THSD4: variants seen among roughly 807,000 people sequenced by gnomAD.
THSD4 encodes thrombospondin type 1 domain containing 4.
In THSD4, 69 loss-of-function variants were observed where a neutral mutation model predicts 119.0. The ratio of observed to expected loss-of-function variants is 0.58; its 90% CI spans 0.48 to 0.71. The LOEUF (loss-of-function observed/expected upper bound fraction) is 0.71. THSD4 is among the 30% of genes least tolerant of loss of function. The pLI is 0.00. For synonymous variants in THSD4, 524 were observed against 540.4 expected (o/e 0.97, Z 0.42); for missense variants, 1,393 against 1,391.1 (o/e 1.00, Z -0.02).
intron 7 of THSD4, among the ~76,000 whole-genome samples, chr15:71,633,914 C>T (rs1011368205): frequency 1.1e-4 from 17 of 152,278 alleles, no homozygotes; most frequent in African/African-American, 4.1e-4. Context: ...TGGCTGGGCA[C>T]GGTGGCTCAT....
chr15:71,198,983 A>G (rs2043744488), intron 3 of THSD4, among the ~76,000 whole-genome samples: 1 of 152,190 alleles, frequency 6.6e-6, no homozygotes, highest in African/African-American at 2.4e-5. Context: ...AGTTCTCCTA[A>G]TAGTAGATTC....
intron 8 of THSD4, among the ~76,000 whole-genome samples, chr15:71,707,817 G>A (rs1181297578): frequency 6.6e-6 from 1 of 152,118 alleles, no homozygotes; most frequent in Non-Finnish European, 1.5e-5. Flanking sequence ...CTAACATTTT[G>A]CTTGGAGAAA....
chr15:71,267,445 A>G (rs2044476591), intron 6 of THSD4, among the ~76,000 whole-genome samples: 1 of 152,248 alleles, frequency 6.6e-6, no homozygotes, highest in African/African-American at 2.4e-5. Context: ...CTTGCCTTAC[A>G]AGAGCTCCTG....
intron 7 of THSD4, among the ~76,000 whole-genome samples, chr15:71,629,004 A>T (rs535893476): frequency 1.8e-4 from 27 of 152,290 alleles, no homozygotes; most frequent in African/African-American, 6.0e-4. Flanking sequence ...GCAGTTTTAT[A>T]ATCTAGTGGT....
intron 7 of THSD4, among the ~76,000 whole-genome samples, chr15:71,442,530 C>T (rs2047112242): frequency 7.4e-6 from 1 of 134,650 alleles, no homozygotes; most frequent in Non-Finnish European, 1.6e-5. Flanking sequence ...GACCACACCA[C>T]TACACTCCAG....
intron 1 of THSD4, among the ~76,000 whole-genome samples, chr15:71,104,874 G>A (rs779414023): frequency 4.6e-5 from 7 of 152,168 alleles, no homozygotes; most frequent in Non-Finnish European, 1.0e-4. Flanking sequence ...ACCAATATTC[G>A]AGGTCAGAGT....
chr15:71,286,554 C>T (rs988500470), intron 6 of THSD4, among the ~76,000 whole-genome samples: 3 of 152,194 alleles, frequency 2.0e-5, no homozygotes, highest in Non-Finnish European at 4.4e-5. Flanking sequence ...GTCAGTCTAT[C>T]CTTGATGGGC....
chr15:71,326,688 A>C, intron 6 of THSD4, among the ~76,000 whole-genome samples: 1 of 20,146 alleles, frequency 5.0e-5, no homozygotes, highest in Non-Finnish European at 1.7e-4. Context: ...AAAAAAAAAA[A>C]AAAAAAAAAA....
At chr15:71,285,910 G>A (rs1446627802) in intron 6 of THSD4, among the ~76,000 whole-genome samples, 1 of 142,500 alleles carries the variant, frequency 7.0e-6, no homozygotes, top group Non-Finnish European at 1.5e-5. Flanking sequence ...CTTTAAAAAT[G>A]TGCGTAGTTT....
intron 7 of THSD4, among the ~76,000 whole-genome samples, chr15:71,614,306 A>G (rs1487239253): frequency 6.6e-6 from 1 of 152,206 alleles, no homozygotes; most frequent in African/African-American, 2.4e-5. Context: ...TGAGGACACT[A>G]GAAGTTGCCT....
intron 8 of THSD4, among the ~76,000 whole-genome samples, chr15:71,710,437 AG>A (rs2052487055): frequency 6.6e-6 from 1 of 152,212 alleles, no homozygotes; most frequent in Non-Finnish European, 1.5e-5. Context: ...TCCCAAATGG[AG>A]GAGGGCCAAG....
Position 71,529,140 on chromosome 15 carries a change from G to A in THSD4, c.1152+117317G>A, listed in dbSNP as rs528713586. Among the ~76,000 whole-genome samples the A allele has an allele frequency of 3.3e-5, 5 of 152,342 alleles. No homozygotes were observed. In the South Asian group the frequency reaches 1.0e-3, roughly 32 times the overall value. ...TGTCCAGTGCAACCTTGGAAACCAT[G>A]TATTGAGGGGCATAGAGCCTCTGGC... On this transcript the variant is annotated intron_variant, in intron 7 of 17. Transcript: ENST00000261862.
intron 1 of THSD4, among the ~76,000 whole-genome samples, chr15:71,103,803 G>A (rs1280142664): frequency 2.0e-5 from 3 of 151,534 alleles, no homozygotes; most frequent in African/African-American, 7.3e-5. Flanking sequence ...GAGTTCCCCT[G>A]CACCCCACTC....
chr15:71,670,205 A>G (rs1031224422), intron 8 of THSD4, among the ~76,000 whole-genome samples: 2 of 151,352 alleles, frequency 1.3e-5, no homozygotes, highest in African/African-American at 4.9e-5. Context: ...TACATTAGGT[A>G]TTTCTCCTAA....
chr15:71,600,728 G>GTC (rs1176630852), intron 7 of THSD4, among the ~76,000 whole-genome samples: 1 of 150,256 alleles, frequency 6.7e-6, no homozygotes, highest in Non-Finnish European at 1.5e-5. Context: ...TATCATGCCT[G>GTC]TCTTTTTTTT....
intron 7 of THSD4, among the ~76,000 whole-genome samples, chr15:71,445,595 A>G (rs150040441): frequency 3.9e-5 from 6 of 152,258 alleles, no homozygotes; most frequent in Admixed American, 6.5e-5. Flanking sequence ...AGCAAAGTCA[A>G]TGTTCTGTTC....
At chr15:71,199,903 G>GT (rs2043784094) in intron 3 of THSD4, among the ~76,000 whole-genome samples, 2 of 94,002 alleles carry the variant, frequency 2.1e-5, no homozygotes, top group African/African-American at 3.2e-5. Context: ...ATGTGTGTGT[G>GT]GTGCATGTGT....
At chr15:71,438,131 C>T (rs1438315765) in intron 7 of THSD4, among the ~76,000 whole-genome samples, 2 of 152,156 alleles carry the variant, frequency 1.3e-5, no homozygotes, top group African/African-American at 4.8e-5. Context: ...GTGCCCTCCT[C>T]GCCCTCGCCC....
At chr15:71,694,942 C>A (rs931539615) in intron 8 of THSD4, among the ~76,000 whole-genome samples, 2 of 152,162 alleles carry the variant, frequency 1.3e-5, no homozygotes, top group African/African-American at 4.8e-5. Context: ...GAGAGGTGTG[C>A]CGAGGAACCA....
Sources: allele counts gnomAD v4.1 joint callset (sites outside exome capture counted in the v4.1 genomes callset), GRCh38; gene constraint gnomAD v4.1.1; transcripts MANE v1.5; gene names NCBI Gene and HGNC (gene_info 2026-07-23, HGNC 2026-07-21).